RAPGEF6: variants seen among roughly 807,000 people sequenced by gnomAD.
The protein encoded by RAPGEF6 is Rap guanine nucleotide exchange factor 6.
RAPGEF6 carries 56 observed loss-of-function variants against 171.4 expected under a neutral mutation model. The ratio of observed to expected loss-of-function variants is 0.33; its 90% CI spans 0.26 to 0.41. The LOEUF (loss-of-function observed/expected upper bound fraction) is 0.41. RAPGEF6 is among the 10% of genes least tolerant of loss of function. The pLI, the probability that RAPGEF6 is intolerant of heterozygous loss-of-function variation, is 1.00. For synonymous variants in RAPGEF6, 692 were observed against 650.1 expected, an observed-to-expected ratio of 1.06 and a Z score of -0.98; for missense variants, 1,674 against 1,921.4, an observed-to-expected ratio of 0.87 and a Z score of 2.41.
At chr5:131,531,098 T>C (rs75129475) in intron 6 of RAPGEF6, among the ~76,000 whole-genome samples, 279 of 152,304 alleles carry the variant, frequency 1.8e-3, no homozygotes, top group Non-Finnish European at 3.3e-3. Context: ...AGAAGCTGCC[T>C]TTAAGAAAGA....
At chr5:131,535,219 A>C (rs1759685504) in intron 6 of RAPGEF6, among the ~76,000 whole-genome samples, 2 of 152,270 alleles carry the variant, frequency 1.3e-5, no homozygotes, top group Admixed American at 1.3e-4. Flanking sequence ...CTATCATGCT[A>C]AATCTCCCTG....
rs141131982 is a variant in RAPGEF6, at chr5:131,598,588, C to T, written c.197+4683G>A. ...AAACATATTAACTGCAAAGGAGTAA[C>T]AAGAACACTGATTACTGAGTCTTCA... On this transcript the variant is annotated intron_variant, in intron 3 of 27. Coordinates refer to ENST00000509018, the MANE Select transcript of RAPGEF6 (RefSeq NM_016340.6). Among the ~76,000 whole-genome samples the T allele has an allele frequency of 3.2e-3, 488 of 152,224 alleles. 3 individuals are homozygous for T. Among genetic ancestry groups the T allele is most frequent in the African/African-American group, 0.011 (464 of 41,530 alleles).
Position 131,479,705 on chromosome 5 carries a change from G to T in RAPGEF6, c.1889C>A (p.Pro630His). Residue 630 changes from proline to histidine, a missense_variant, in exon 16 of 28, where the codon CCT (proline) becomes CAT (histidine). By Grantham distance (77) the Pro-to-His change is moderately conservative. Around this residue, in one of 3 missense-constraint regions of RAPGEF6, gnomAD observed 1,116 missense variants for 1,321.5 expected, o/e 0.84. Coordinates refer to ENST00000509018, the MANE Select transcript of RAPGEF6 (RefSeq NM_016340.6). ...FRTEQEKSGV[P>H]HIPKIAEKKS... The stretch of plus-strand genomic sequence containing the variant: ...TTTTTCAGCAATTTTGGGAATATGA[G>T]GAACACCAGATTTCTCTTGTTCAGT... 1 of 1,613,664 alleles carries T rather than the reference G, an allele frequency of 6.2e-7. No individual in the cohort carries two copies. The highest frequency in any genetic ancestry group is 8.5e-7 in the Non-Finnish European group (1 of 1,179,878).
Position 131,426,727 on chromosome 5 carries a change from C to G in RAPGEF6, c.*539G>C. 1 of 163,780 alleles carries G rather than the reference C, an allele frequency of 6.1e-6. No individual in the cohort carries two copies. Among genetic ancestry groups the G allele is most frequent in the Non-Finnish European group, 1.3e-5 (1 of 76,184 alleles). The allele number at this position is 163,780 out of a possible 1,614,324, so 10.1% of individuals were successfully genotyped here. On this transcript the variant is annotated 3_prime_UTR_variant, in exon 28 of 28. Transcript: ENST00000509018. ...CATATCACCTCTGTAAAGATGACTT[C>G]TGTTTGGTCAGACCAGAGACAATTT...
At chr5:131,578,493 C>G (rs1462347202) in intron 4 of RAPGEF6, among the ~76,000 whole-genome samples, 1 of 152,128 alleles carries the variant, frequency 6.6e-6, no homozygotes, top group African/African-American at 2.4e-5. Flanking sequence ...TTGGTGAGAA[C>G]TCCCCAGACA....
At chr5:131,450,830 A>G (rs1363132212) in intron 21 of RAPGEF6, among the ~76,000 whole-genome samples, 1 of 152,180 alleles carries the variant, frequency 6.6e-6, no homozygotes, top group Non-Finnish European at 1.5e-5. Flanking sequence ...ATTTTCCCCC[A>G]ATACCTTATT....
intron 6 of RAPGEF6, 66 bp from the exon 7 acceptor site, chr5:131,521,587 T>C (rs1188944606): frequency 5.7e-5 from 83 of 1,467,818 alleles, no homozygotes; most frequent in Non-Finnish European, 7.6e-5. Flanking sequence ...GGTTTCGACA[T>C]GTTCAACAAA....
In RAPGEF6 at chr5:131,427,011, A is replaced by C. The variant is rs1025149237; in HGVS notation, c.*255T>G. The C allele has an allele frequency of 1.4e-5, 7 of 499,522 alleles. No individual in the cohort carries two copies. The South Asian group carries it at 1.7e-4, about 12-fold the overall frequency. The allele number at this position is 499,522 out of a possible 1,614,324, so 30.9% of individuals were successfully genotyped here. On this transcript the variant is annotated 3_prime_UTR_variant, in exon 28 of 28. Transcript: ENST00000509018. The stretch of plus-strand genomic sequence containing the variant: ...ACATTTTTTCTGTAACTGTGGTCCC[A>C]AGGCAGTTCCGGCGTGCAAAGTGGA...
rs1052146266 is a variant in RAPGEF6, at chr5:131,528,041, T to C, written c.496-6520A>G. On this transcript the variant is annotated intron_variant, in intron 6 of 27. Coordinates refer to ENST00000509018, the MANE Select transcript of RAPGEF6 (RefSeq NM_016340.6). Reference sequence around the variant, plus strand: ...AAAAATAATAATAATTATTATTATATATAATTATATATAATATAATATATA... The same window carrying C: ...AAAAATAATAATAATTATTATTATACATAATTATATATAATATAATATATA... Among the ~76,000 whole-genome samples the C allele has an allele frequency of 1.0e-4, 14 of 136,042 alleles. No individual in the cohort carries two copies. In the South Asian group the frequency reaches 3.0e-3, roughly 29 times the overall value. The allele number at this position is 136,042 out of a possible 152,430, so 89.2% of individuals were successfully genotyped here.
chr5:131,498,944 G>A (rs1024258128), intron 11 of RAPGEF6, among the ~76,000 whole-genome samples: 3 of 152,056 alleles, frequency 2.0e-5, no homozygotes, highest in Non-Finnish European at 4.4e-5. Context: ...CCTACAACCA[G>A]GGCATGTATT....
intron 6 of RAPGEF6, among the ~76,000 whole-genome samples, chr5:131,542,300 A>T (rs1760204011): frequency 6.6e-6 from 1 of 152,224 alleles, no homozygotes; most frequent in Non-Finnish European, 1.5e-5. Context: ...CAACAACAGC[A>T]ATAGGATGCT....
chr5:131,527,812 G>A (rs1758990521), intron 6 of RAPGEF6, among the ~76,000 whole-genome samples: 3 of 151,594 alleles, frequency 2.0e-5, no homozygotes, highest in Admixed American at 1.3e-4. Flanking sequence ...TCAGGAGATC[G>A]AGACCATCCT....
At chr5:131,609,339 C>A (rs1185995153) in intron 1 of RAPGEF6, among the ~76,000 whole-genome samples, 1 of 151,928 alleles carries the variant, frequency 6.6e-6, no homozygotes, top group East Asian at 1.9e-4. Context: ...GGTCAGGGGT[C>A]TAGAAGGAAA....
At position 131,495,620 on chromosome 5, in the gene RAPGEF6, T is replaced by C. The variant is rs1433690959; in HGVS notation, c.1460A>G (p.Asn487Ser). 1.2e-6 allele frequency: 2 copies of C among 1,613,772 alleles called. No homozygotes were observed. Among genetic ancestry groups the C allele is most frequent in the Admixed American group, 1.7e-5 (1 of 60,014 alleles). ...CATAGCAGGGTCACCTTCAAAATCA[T>C]TAAAATGATTATTTACCCATAATAA... Reference protein sequence around the residue: ...IVLLWVNNHFNDFEGDPAMTR... With the variant: ...IVLLWVNNHFSDFEGDPAMTR... Residue 487 changes from asparagine to serine, a missense_variant, in exon 13 of 28, where the codon AAT becomes AGT. By Grantham distance (46) the Asn-to-Ser change is conservative. Around this residue, in one of 3 missense-constraint regions of RAPGEF6, gnomAD observed 1,116 missense variants for 1,321.5 expected, o/e 0.84. Transcript: ENST00000509018.
At chr5:131,489,890 T>A (rs914609356) in intron 14 of RAPGEF6, among the ~76,000 whole-genome samples, 1 of 152,036 alleles carries the variant, frequency 6.6e-6, no homozygotes, top group African/African-American at 2.4e-5. Context: ...CCCTCTGGGA[T>A]CATACTGAGG....
In RAPGEF6 at chr5:131,603,331, T is replaced by TC; in HGVS notation, c.141-5_141-4insG. 1 of 1,531,184 alleles carries TC rather than the reference T, an allele frequency of 6.5e-7. No homozygotes were observed. The highest frequency in any genetic ancestry group is 8.8e-7 in the Non-Finnish European group (1 of 1,140,860). 94.8% of individuals were successfully genotyped at this position (1,531,184 alleles called of 1,614,324 possible). ...GCGTGCTCTTGCAGACATTAATCTA[T>TC]TAAAAAAAAAAATTGAAGATTTTAT... On this transcript the variant is annotated splice_region_variant and splice_polypyrimidine_tract_variant and intron_variant, in intron 2 of 27. Transcript: ENST00000509018.
chr5:131,556,908 G>A lies in RAPGEF6; in HGVS notation c.351+5070C>T, dbSNP rs141770653. Among the ~76,000 whole-genome samples the A allele has an allele frequency of 6.6e-5, 10 of 151,988 alleles. No homozygotes were observed. The East Asian group carries it at 1.9e-3, about 29-fold the overall frequency. On this transcript the variant is annotated intron_variant, in intron 5 of 27. Coordinates refer to ENST00000509018, the MANE Select transcript of RAPGEF6 (RefSeq NM_016340.6). The stretch of plus-strand genomic sequence containing the variant: ...TTCAAGTTTAATTTTTTTATTTCAG[G>A]GGTATTTAAACACATTATTTCTGCA...
rs192812778 is a variant in RAPGEF6 at position 131,589,901 on chromosome 5, C to T, written c.281+2482G>A. On this transcript the variant is annotated intron_variant, in intron 4 of 27. Transcript: ENST00000509018. ...CCAGACAACTGTGGACCAGCTCTGTCCCAGAGCAACCCAGTGAATGTCTCT... is the reference window on the plus strand; with the variant it reads ...CCAGACAACTGTGGACCAGCTCTGTTCCAGAGCAACCCAGTGAATGTCTCT... 1.6e-3 allele frequency among the ~76,000 whole-genome samples: 246 copies of T among 152,252 alleles called. 2 individuals carry two copies. Among genetic ancestry groups the T allele is most frequent in the African/African-American group, 5.6e-3 (232 of 41,528 alleles).
intron 1 of RAPGEF6, among the ~76,000 whole-genome samples, chr5:131,625,404 C>G (rs1211740181): frequency 2.0e-5 from 3 of 152,128 alleles, no homozygotes; most frequent in Non-Finnish European, 2.9e-5. Context: ...CAACCAGTGA[C>G]CAGGTTGGGC....
Sources: allele counts gnomAD v4.1 joint callset (sites outside exome capture counted in the v4.1 genomes callset), GRCh38; gene constraint gnomAD v4.1.1; regional missense constraint gnomAD v4.1.1; transcripts MANE v1.5; gene names NCBI Gene and HGNC (gene_info 2026-07-23, HGNC 2026-07-21).